The following KLC1 variants were observed in gnomAD, a reference collection of about 807,000 sequenced individuals.
The protein encoded by KLC1 is kinesin light chain 1.
KLC1 carries 30 observed loss-of-function variants against 84.2 expected under a neutral mutation model. That is an observed-to-expected ratio of 0.36 (90% confidence interval 0.27 to 0.48). The LOEUF is 0.48. Ranked by LOEUF, KLC1 falls within the 20% of genes least tolerant of loss-of-function variation. The pLI is 0.99. For missense variants in KLC1, 499 were observed against 805.4 expected, an observed-to-expected ratio of 0.62 and a Z score of 4.60; for synonymous variants, 289 against 293.3, an observed-to-expected ratio of 0.99 and a Z score of 0.15.
At chr14:103,643,795 G>A (rs2077676846) in intron 1 of KLC1, among the ~76,000 whole-genome samples, 1 of 152,120 alleles carries the variant, frequency 6.6e-6, no homozygotes, top group Non-Finnish European at 1.5e-5. Context: ...TGGCGTGGTG[G>A]TGCATGCCTG....
chr14:103,647,526 A>T (rs1656518398), intron 1 of KLC1, among the ~76,000 whole-genome samples: 1 of 151,960 alleles, frequency 6.6e-6, no homozygotes, highest in Non-Finnish European at 1.5e-5. Context: ...ACTGTGCCTT[A>T]CCCAGAAACT....
chr14:103,677,386 A>T (rs778789096), intron 11 of KLC1, 29 bp from the exon 12 acceptor site: 2 of 1,313,162 alleles, frequency 1.5e-6, no homozygotes, highest in Middle Eastern at 1.8e-4. Context: ...TATATGTCAT[A>T]GTTCTGTATG....
At chr14:103,646,517 A>G (rs2151408861) in intron 1 of KLC1, among the ~76,000 whole-genome samples, 1 of 152,196 alleles carries the variant, frequency 6.6e-6, no homozygotes, top group African/African-American at 2.4e-5. Context: ...ATATGTGTAT[A>G]TATACATATT....
chr14:103,653,837 C>G (rs547509045), intron 1 of KLC1, among the ~76,000 whole-genome samples: 2 of 152,278 alleles, frequency 1.3e-5, no homozygotes, highest in Admixed American at 1.3e-4. Flanking sequence ...AGGAGAGAGG[C>G]TAGCAGAGGG....
At position 103,654,855 on chromosome 14, in the gene KLC1, A is replaced by C. The variant is rs563516758; in HGVS notation, c.261+30A>C. ...GAGTGAGAATGACTCAGACGTTATC[A>C]GGAACTTTTGATGGTAAAATGGAGA... On this transcript the variant is annotated intron_variant, in intron 2 of 16. Transcript: ENST00000334553. The C allele has an allele frequency of 1.9e-6, 3 of 1,590,182 alleles. No individual in the cohort carries two copies. The African/African-American group carries it at 4.1e-5, about 22-fold the overall frequency.
At chr14:103,673,693 G>A (rs1228716411) in intron 9 of KLC1, among the ~76,000 whole-genome samples, 1 of 152,172 alleles carries the variant, frequency 6.6e-6, no homozygotes, top group Non-Finnish European at 1.5e-5. Flanking sequence ...GGAGGCCGAG[G>A]TGGGTGGATC....
Position 103,671,726 on chromosome 14 carries a change from T to C in KLC1, c.988-1288T>C, listed in dbSNP as rs147094846. Among the ~76,000 whole-genome samples, 141 of 152,298 alleles carry C rather than the reference T, an allele frequency of 9.3e-4. 1 individual carries two copies. Among genetic ancestry groups the C allele is most frequent in the Admixed American group, 6.6e-3 (101 of 15,280 alleles). ...TGTGATTATTTATCAGTGATTCTTATCAGTTAATTTTGAGCCACATGGCAA... is the reference window on the plus strand; with the variant it reads ...TGTGATTATTTATCAGTGATTCTTACCAGTTAATTTTGAGCCACATGGCAA... On this transcript the variant is annotated intron_variant, in intron 7 of 16. Coordinates refer to ENST00000334553, the MANE Select transcript of KLC1 (RefSeq NM_001394837.1).
chr14:103,668,525 T>G (rs762560021), intron 5 of KLC1, among the ~76,000 whole-genome samples: 22 of 152,190 alleles, frequency 1.4e-4, no homozygotes, highest in Admixed American at 3.3e-4. Context: ...TCACCCAGGC[T>G]TTAGTGCAGT....
chr14:103,647,472 C>T (rs1323041903), intron 1 of KLC1, among the ~76,000 whole-genome samples: 1 of 152,008 alleles, frequency 6.6e-6, no homozygotes, highest in Non-Finnish European at 1.5e-5. Context: ...TCAAGTAATC[C>T]GCCTGCCTGG....
chr14:103,687,166 A>G lies in KLC1; in HGVS notation c.1736A>G (p.Lys579Arg), dbSNP rs1181718103. ...CGCAGCAGTGAGAAGCTGGTTAGGA[A>G]GCTGAAGGGAGGAAGTTCACGAGAG... ...IRRSSEKLVR[K>R]LKGGSSRESE... is the part of the protein sequence containing the mutation. The change falls in exon 14 of 17, where the codon AAG becomes AGG. Residue 579 changes from lysine to arginine, a missense_variant. By Grantham distance (26) the Lys-to-Arg change is conservative. Coordinates refer to ENST00000334553, the MANE Select transcript of KLC1 (RefSeq NM_001394837.1). 1 of 1,549,082 alleles carries G rather than the reference A, an allele frequency of 6.5e-7. No individual in the cohort carries two copies. The highest frequency in any genetic ancestry group is 8.7e-7 in the Non-Finnish European group (1 of 1,145,182).
At chr14:103,685,199 C>T (rs2081685777) in intron 13 of KLC1, 1 of 1,425,644 alleles carries the variant, frequency 7.0e-7, no homozygotes, top group African/African-American at 1.4e-5. Flanking sequence ...CTTTTAAAGT[C>T]CGTGGTTTCC....
chr14:103,643,126 T>C (rs537738014), intron 1 of KLC1, among the ~76,000 whole-genome samples: 1 of 152,334 alleles, frequency 6.6e-6, no homozygotes, highest in African/African-American at 2.4e-5. Context: ...ATAAAACAAA[T>C]ATCTGTAAGT....
chr14:103,650,091 A>G (rs1567014417), intron 1 of KLC1, among the ~76,000 whole-genome samples: 1 of 152,130 alleles, frequency 6.6e-6, no homozygotes, highest in Admixed American at 6.5e-5. Flanking sequence ...CGGAGTAAAT[A>G]ATGGAACTTT....
chr14:103,638,997 G>A (rs1257779558), intron 1 of KLC1, among the ~76,000 whole-genome samples: 1 of 152,094 alleles, frequency 6.6e-6, no homozygotes, highest in Admixed American at 6.6e-5. Flanking sequence ...CTTCTTGTTG[G>A]TAGAATAAGC....
intron 14 of KLC1, among the ~76,000 whole-genome samples, chr14:103,691,932 G>A (rs2082148426): frequency 6.6e-6 from 1 of 152,014 alleles, no homozygotes; most frequent in Non-Finnish European, 1.5e-5. Context: ...CACCACGCCT[G>A]GCTAATTTTT....
chr14:103,694,732 G>C lies in KLC1; in HGVS notation c.1848+2307G>C. The C allele has an allele frequency of 1.0e-6, 1 of 985,498 alleles. No individual in the cohort carries two copies. Among genetic ancestry groups the C allele is most frequent in the Non-Finnish European group, 1.2e-6 (1 of 829,944 alleles). 61.0% of individuals were successfully genotyped at this position (985,498 alleles called of 1,614,324 possible). Reference sequence around the variant, plus strand: ...CTCAGCTTGCCACTGTCATGTAACAGGGTGGGTGGTGGCACAGCAGAGGCT... The same window carrying C: ...CTCAGCTTGCCACTGTCATGTAACACGGTGGGTGGTGGCACAGCAGAGGCT... On this transcript the variant is annotated intron_variant, in intron 15 of 16. Coordinates refer to ENST00000334553, the MANE Select transcript of KLC1 (RefSeq NM_001394837.1). This position sits in a 1 kb window ranked among gnomAD's most constrained non-coding sequence, Gnocchi z 4.5.
At chr14:103,664,848 TTA>T (rs2079620591) in intron 5 of KLC1, among the ~76,000 whole-genome samples, 1 of 146,694 alleles carries the variant, frequency 6.8e-6, no homozygotes, top group African/African-American at 2.5e-5. Flanking sequence ...TTTTTTAAAC[TTA>T]TATGCCCATT....
chr14:103,662,643 C>T (rs2079393329), intron 4 of KLC1, 59 bp from the exon 5 acceptor site: 2 of 1,308,318 alleles, frequency 1.5e-6, no homozygotes, highest in African/African-American at 1.5e-5. Context: ...TTTAAAGAAA[C>T]TGACTCATCT....
At position 103,685,073 on chromosome 14, in the gene KLC1, T is replaced by A. The variant is rs2081671333; in HGVS notation, c.1651-2008T>A. On this transcript the variant is annotated intron_variant, in intron 13 of 16. Transcript: ENST00000334553. ...CGGGCGGGGCGCAGGCCCTGCCGTC[T>A]GGCGCTTCTGTCGAGACGTCGGCTT... 40 of 1,544,734 alleles carry A rather than the reference T, an allele frequency of 2.6e-5. 1 individual carries two copies. In the South Asian group the frequency reaches 4.7e-4, roughly 18 times the overall value.
Sources: gnomAD v4.1 joint callset for allele counts (sites outside exome capture counted in the v4.1 genomes callset) on GRCh38, gnomAD v4.1.1 for gene constraint, Gnocchi (gnomAD v3.1) non-coding constraint, MANE v1.5 for transcripts, NCBI Gene and HGNC (gene_info 2026-07-23, HGNC 2026-07-21) for gene names.